The following BMPR2 variants were observed in gnomAD, a reference collection of about 807,000 sequenced individuals.
The protein encoded by BMPR2 is bone morphogenetic protein receptor type 2, also known as bone morphogenetic protein receptor type-2.
In BMPR2, 29 loss-of-function variants were observed where a neutral mutation model predicts 100.8. That is an observed-to-expected ratio of 0.29 (90% CI 0.21 to 0.39). The LOEUF (loss-of-function observed/expected upper bound fraction) is 0.39. Among genes scored for constraint, BMPR2 ranks in the 10% least tolerant of loss-of-function variants. BMPR2 has a pLI of 1.00. For missense variants in BMPR2, 1,011 were observed against 1,274.5 expected, an observed-to-expected ratio of 0.79 and a Z score of 3.15; for synonymous variants, 382 against 442.3, an observed-to-expected ratio of 0.86 and a Z score of 1.71.
At position 202,562,798 on chromosome 2, in the gene BMPR2, A is replaced by G. The variant is rs1399190008; in HGVS notation, c.*2852A>G. Reference sequence around the variant, plus strand: ...AATTACGTTTAGACAAAAATGATTTAATTGTAAATTCTTAAAACTTTCTAA... The same window carrying G: ...AATTACGTTTAGACAAAAATGATTTGATTGTAAATTCTTAAAACTTTCTAA... On this transcript the variant is annotated 3_prime_UTR_variant, in exon 13 of 13. Transcript: ENST00000374580. 5 of 152,202 alleles carry G rather than the reference A, an allele frequency of 3.3e-5. 1 individual carries two copies. The East Asian group carries it at 9.6e-4, about 29-fold the overall frequency. 9.4% of individuals were successfully genotyped at this position (152,202 alleles called of 1,614,324 possible).
Position 202,377,567 on chromosome 2 carries a change from G to T in BMPR2, c.76+17G>T. 6.2e-7 allele frequency: 1 copy of T among 1,613,618 alleles called. No homozygotes were observed. Among genetic ancestry groups the T allele is most frequent in the South Asian group, 1.1e-5 (1 of 91,076 alleles). ...CTGCGGCTGGTGAGTAGCTCCGGCCGGCACGTCCCGGCCACTGCCCCTGCG... is the reference window on the plus strand; with the variant it reads ...CTGCGGCTGGTGAGTAGCTCCGGCCTGCACGTCCCGGCCACTGCCCCTGCG... On this transcript the variant is annotated intron_variant, in intron 1 of 12. Transcript: ENST00000374580.
chr2:202,480,953 TAAAAAAAAAAAAAA>T (rs71035011), intron 3 of BMPR2, among the ~76,000 whole-genome samples: 24 of 43,356 alleles, frequency 5.5e-4, no homozygotes, highest in African/African-American at 2.3e-3. Context: ...AGACTCCGTC[TAAAAAAAAAAAAAA>T]AAAAAAAAAA....
intron 1 of BMPR2, among the ~76,000 whole-genome samples, chr2:202,384,836 G>A (rs1690394985): frequency 6.6e-6 from 1 of 151,918 alleles, no homozygotes; most frequent in Non-Finnish European, 1.5e-5. Context: ...CAGGTAATCT[G>A]CCTGCCTCAG....
chr2:202,393,874 TGAGAGAGC>T (rs1179069513), intron 1 of BMPR2, among the ~76,000 whole-genome samples: 20 of 76,728 alleles, frequency 2.6e-4, no homozygotes, highest in African/African-American at 7.0e-4. Flanking sequence ...ATTAAGGTAA[TGAGAGAGC>T]GAGAGAGAGA....
chr2:202,467,557 T>C lies in BMPR2; in HGVS notation c.286T>C (p.Tyr96His), dbSNP rs779736124. Residue 96 changes from tyrosine to histidine, a missense_variant, in exon 3 of 13, where the codon TAT becomes CAT. Physicochemically the swap from Tyr to His is moderately conservative, Grantham distance 83 (BLOSUM62 2). Around this residue, in one of 6 missense-constraint regions of BMPR2, gnomAD observed 355 missense variants for 455.3 expected, o/e 0.78. Transcript: ENST00000374580. ...CATTGGAGATCCCCAAGAGTGTCAC[T>C]ATGAAGAATGTGTAGTAACTACCAC... ...SHIGDPQECH[Y>H]EECVVTTTPP... The C allele has an allele frequency of 1.9e-6, 3 of 1,570,546 alleles. No individual in the cohort carries two copies. In the East Asian group the frequency reaches 6.7e-5, roughly 35 times the overall value.
At chr2:202,528,895 C>T (rs942214494) in intron 7 of BMPR2, among the ~76,000 whole-genome samples, 2 of 152,278 alleles carry the variant, frequency 1.3e-5, no homozygotes, top group Admixed American at 1.3e-4. Context: ...CTATCCTTCC[C>T]AGCATCTTCA....
chr2:202,565,100 C>T lies in BMPR2; in HGVS notation c.*5154C>T, dbSNP rs886055488. ...TAGTTTATGTCTGACTTACTCCAAA[C>T]CTCAGTTATCTGATTTGTAGTCTGT... On this transcript the variant is annotated 3_prime_UTR_variant, in exon 13 of 13. Coordinates refer to ENST00000374580, the MANE Select transcript of BMPR2 (RefSeq NM_001204.7). 2 of 152,126 alleles carry T rather than the reference C, an allele frequency of 1.3e-5. No homozygotes were observed. The highest frequency in any genetic ancestry group is 1.5e-5 in the Non-Finnish European group (1 of 68,028). 9.4% of individuals were successfully genotyped at this position (152,126 alleles called of 1,614,324 possible).
intron 10 of BMPR2, among the ~76,000 whole-genome samples, chr2:202,543,825 C>CA (rs1413067610): frequency 2.6e-5 from 4 of 152,084 alleles, no homozygotes; most frequent in Admixed American, 2.6e-4. Context: ...CACTGCACAA[C>CA]AAAGTATTGT....
intron 1 of BMPR2, among the ~76,000 whole-genome samples, chr2:202,402,343 C>G (rs563431662): frequency 3.2e-4 from 49 of 151,616 alleles, no homozygotes; most frequent in African/African-American, 1.1e-3. Context: ...ATGGTGAAAC[C>G]CTGTCTCTAC....
At chr2:202,512,798 C>A (rs1484667568) in intron 3 of BMPR2, among the ~76,000 whole-genome samples, 1 of 152,080 alleles carries the variant, frequency 6.6e-6, no homozygotes, top group Non-Finnish European at 1.5e-5. Context: ...GGAGAAGAAA[C>A]TTTCCTAAGG....
chr2:202,379,645 G>C (rs2105893789), intron 1 of BMPR2, among the ~76,000 whole-genome samples: 1 of 152,182 alleles, frequency 6.6e-6, no homozygotes, highest in Admixed American at 6.6e-5. Context: ...GATTAGAGAG[G>C]GCCTGTGTGG....
At chr2:202,422,791 C>T (rs569681836) in intron 1 of BMPR2, among the ~76,000 whole-genome samples, 194 of 152,282 alleles carry the variant, frequency 1.3e-3, no homozygotes, top group African/African-American at 4.5e-3. Flanking sequence ...ATTCTCCTGC[C>T]TCAGCCTCCT....
At chr2:202,435,992 T>A (rs1691607288) in intron 1 of BMPR2, among the ~76,000 whole-genome samples, 1 of 150,806 alleles carries the variant, frequency 6.6e-6, no homozygotes, top group Non-Finnish European at 1.5e-5. Flanking sequence ...CATGACTGCC[T>A]TAAGTATTGT....
At chr2:202,439,089 CAG>C (rs1305200542) in intron 1 of BMPR2, among the ~76,000 whole-genome samples, 5 of 150,326 alleles carry the variant, frequency 3.3e-5, no homozygotes, top group Non-Finnish European at 7.4e-5. Flanking sequence ...GTCTTATAAT[CAG>C]TGAGCATGGG....
intron 3 of BMPR2, among the ~76,000 whole-genome samples, chr2:202,510,112 A>G (rs1441854497): frequency 1.3e-5 from 2 of 152,198 alleles, no homozygotes; most frequent in Non-Finnish European, 2.9e-5. Flanking sequence ...TATTGTAACA[A>G]ATATTTAAAG....
At chr2:202,482,017 T>C (rs1692670530) in intron 3 of BMPR2, among the ~76,000 whole-genome samples, 1 of 152,154 alleles carries the variant, frequency 6.6e-6, no homozygotes, top group South Asian at 2.1e-4. Context: ...CCAGCCACCC[T>C]CTACTTTCTG....
At chr2:202,388,231 T>C (rs757151491) in intron 1 of BMPR2, among the ~76,000 whole-genome samples, 5 of 151,322 alleles carry the variant, frequency 3.3e-5, no homozygotes, top group African/African-American at 7.3e-5. Context: ...ACCCTGTCTC[T>C]ACTGAAAATA....
At chr2:202,402,291 G>T (rs1317519479) in intron 1 of BMPR2, among the ~76,000 whole-genome samples, 3 of 152,108 alleles carry the variant, frequency 2.0e-5, no homozygotes, top group Non-Finnish European at 4.4e-5. Flanking sequence ...GGCCAAGGTG[G>T]GTGGATCACA....
At position 202,377,350 on chromosome 2, in the gene BMPR2, A is replaced by G. The variant is rs1162764178; in HGVS notation, c.-125A>G. On this transcript the variant is annotated 5_prime_UTR_variant, in exon 1 of 13. Coordinates refer to ENST00000374580, the MANE Select transcript of BMPR2 (RefSeq NM_001204.7). ...CCTCTCATCAGCCATTTGTCCTTTC[A>G]AACTGTATTGTGATACGGGCAGGAT... The G allele has an allele frequency of 1.1e-6, 1 of 933,324 alleles. No homozygotes were observed. The highest frequency in any genetic ancestry group is 1.8e-6 in the Non-Finnish European group (1 of 561,272). 57.8% of individuals were successfully genotyped at this position (933,324 alleles called of 1,614,324 possible).
Sources: gnomAD v4.1 joint callset for allele counts (sites outside exome capture counted in the v4.1 genomes callset) on GRCh38, gnomAD v4.1.1 for gene constraint, gnomAD v4.1.1 regional missense constraint, MANE v1.5 for transcripts, NCBI Gene and HGNC (gene_info 2026-07-23, HGNC 2026-07-21) for gene names.